Variants in CDH12 observed in about 807,000 individuals in gnomAD.
The protein encoded by CDH12 is cadherin 12.
In CDH12, 41 loss-of-function variants were observed where a neutral mutation model predicts 74.1. That is an observed-to-expected ratio of 0.55 (90% CI 0.43 to 0.72). The LOEUF (loss-of-function observed/expected upper bound fraction) is 0.72, where lower values mean the gene tolerates loss of function less well. Ranked by LOEUF, CDH12 falls within the 30% of genes least tolerant of loss-of-function variation. The pLI is 0.00. For synonymous variants in CDH12, 399 were observed against 355.0 expected, an observed-to-expected ratio of 1.12 and a Z score of -1.39; for missense variants, 945 against 977.2, an observed-to-expected ratio of 0.97 and a Z score of 0.44.
intron 1 of CDH12, among the ~76,000 whole-genome samples, chr5:22,688,566 G>A (rs1046875081): frequency 3.9e-5 from 6 of 152,166 alleles, no homozygotes; most frequent in South Asian, 2.1e-4. Context: ...TCTCTGTAAC[G>A]AATAATACCA....
chr5:22,443,159 G>C (rs568961859), intron 2 of CDH12, among the ~76,000 whole-genome samples: 1 of 152,128 alleles, frequency 6.6e-6, no homozygotes. Context: ...CTCAATCAAA[G>C]TAAGAGTCTA....
chr5:22,600,462 G>A (rs1035375441), intron 1 of CDH12, among the ~76,000 whole-genome samples: 3 of 151,992 alleles, frequency 2.0e-5, no homozygotes, highest in Non-Finnish European at 4.4e-5. Flanking sequence ...TCTTTATGGA[G>A]CTTTACTGTA....
intron 4 of CDH12, among the ~76,000 whole-genome samples, chr5:22,191,906 C>T (rs900939744): frequency 1.3e-5 from 2 of 149,728 alleles, no homozygotes; most frequent in African/African-American, 2.5e-5. Flanking sequence ...TATATGTGTT[C>T]ATGTATGCCA....
rs567563719 is a variant in CDH12 at position 22,515,237 on chromosome 5, T to G, written c.-522-9873A>C. ...ACATATCCTGTCATTGAATCGGATTTAAGTATATACCAATTCAAAGAATTC... is the reference window on the plus strand; with the variant it reads ...ACATATCCTGTCATTGAATCGGATTGAAGTATATACCAATTCAAAGAATTC... On this transcript the variant is annotated intron_variant, in intron 1 of 14. Coordinates refer to ENST00000382254, the MANE Select transcript of CDH12 (RefSeq NM_004061.5). Among the ~76,000 whole-genome samples the G allele has an allele frequency of 5.3e-5, 8 of 152,232 alleles. No homozygotes were observed. The South Asian group carries it at 1.5e-3, about 28-fold the overall frequency.
chr5:21,803,866 AT>A (rs1167585345), intron 9 of CDH12, among the ~76,000 whole-genome samples: 1 of 152,150 alleles, frequency 6.6e-6, no homozygotes, highest in Non-Finnish European at 1.5e-5. Context: ...TATGATTGCC[AT>A]TTTATGCATT....
intron 6 of CDH12, among the ~76,000 whole-genome samples, chr5:21,894,135 T>C (rs1243943960): frequency 1.3e-5 from 2 of 152,106 alleles, no homozygotes; most frequent in African/African-American, 4.8e-5. Flanking sequence ...TCCCAGCACT[T>C]TGGGAAGCCA....
intron 3 of CDH12, among the ~76,000 whole-genome samples, chr5:22,396,956 A>G (rs1742486560): frequency 6.6e-6 from 1 of 152,050 alleles, no homozygotes; most frequent in African/African-American, 2.4e-5. Context: ...TCAATATAGC[A>G]TTAAAATACT....
At position 22,596,324 on chromosome 5, in the gene CDH12, C is replaced by A. The variant is rs574481506; in HGVS notation, c.-522-90960G>T. On this transcript the variant is annotated intron_variant, in intron 1 of 14. Coordinates refer to ENST00000382254, the MANE Select transcript of CDH12 (RefSeq NM_004061.5). ...GGTGTGGTGGCGGACAGCTATAATCCCAGCTACTCTGGAGGCTGAGGCAGG... is the reference window on the plus strand; with the variant it reads ...GGTGTGGTGGCGGACAGCTATAATCACAGCTACTCTGGAGGCTGAGGCAGG... 4.0e-5 allele frequency among the ~76,000 whole-genome samples: 6 copies of A among 151,526 alleles called. No individual in the cohort carries two copies. In the East Asian group the frequency reaches 9.8e-4, roughly 25 times the overall value.
At chr5:22,532,072 G>A (rs1321162579) in intron 1 of CDH12, among the ~76,000 whole-genome samples, 1 of 151,828 alleles carries the variant, frequency 6.6e-6, no homozygotes, top group Non-Finnish European at 1.5e-5. Context: ...GTCACATGGA[G>A]CTGCATAAGA....
intron 3 of CDH12, among the ~76,000 whole-genome samples, chr5:22,222,308 A>C (rs1752044442): frequency 6.6e-6 from 1 of 151,958 alleles, no homozygotes; most frequent in Non-Finnish European, 1.5e-5. Flanking sequence ...TCATTTAGTA[A>C]AGTTCTCTCC....
intron 4 of CDH12, among the ~76,000 whole-genome samples, chr5:22,166,084 C>CT (rs1170354367): frequency 6.6e-6 from 1 of 152,244 alleles, no homozygotes; most frequent in East Asian, 1.9e-4. Flanking sequence ...ACCACGAATT[C>CT]TTTTTTGTGT....
At chr5:22,448,324 G>A (rs1021751301) in intron 2 of CDH12, among the ~76,000 whole-genome samples, 2 of 150,866 alleles carry the variant, frequency 1.3e-5, no homozygotes, top group African/African-American at 4.9e-5. Flanking sequence ...AACATCACTC[G>A]ATGCAAAAAA....
At chr5:22,135,209 C>CAAAAAAAAAAAAAA (rs5866550) in intron 4 of CDH12, among the ~76,000 whole-genome samples, 1 of 119,360 alleles carries the variant, frequency 8.4e-6, no homozygotes, top group African/African-American at 3.0e-5. Context: ...AACACATAAG[C>CAAAAAAAAAAAAAA]AAAAAAAAAA....
chr5:22,111,371 T>C (rs1411695068), intron 4 of CDH12, among the ~76,000 whole-genome samples: 1 of 152,180 alleles, frequency 6.6e-6, no homozygotes, highest in African/African-American at 2.4e-5. Context: ...AAGAAGAGCA[T>C]GGATTATATG....
intron 4 of CDH12, among the ~76,000 whole-genome samples, chr5:22,119,804 T>C (rs979320304): frequency 6.6e-6 from 1 of 152,170 alleles, no homozygotes; most frequent in Non-Finnish European, 1.5e-5. Flanking sequence ...ATATCTAACT[T>C]TCAAATGGCT....
chr5:22,035,411 A>G (rs1739102450), intron 5 of CDH12, among the ~76,000 whole-genome samples: 1 of 152,086 alleles, frequency 6.6e-6, no homozygotes, highest in South Asian at 2.1e-4. Context: ...TATGCATGTC[A>G]TAATGTTAAC....
intron 2 of CDH12, among the ~76,000 whole-genome samples, chr5:22,424,325 G>C (rs1008140117): frequency 6.6e-6 from 1 of 152,086 alleles, no homozygotes; most frequent in Non-Finnish European, 1.5e-5. Flanking sequence ...GCAGAGTACG[G>C]CGTTTCTTTC....
intron 1 of CDH12, among the ~76,000 whole-genome samples, chr5:22,689,485 G>A (rs1230642836): frequency 6.6e-6 from 1 of 152,068 alleles, no homozygotes; most frequent in Non-Finnish European, 1.5e-5. Flanking sequence ...GTTACAAATA[G>A]CAAAATAAAA....
At chr5:22,424,900 T>C (rs1300073111) in intron 2 of CDH12, among the ~76,000 whole-genome samples, 1 of 151,842 alleles carries the variant, frequency 6.6e-6, no homozygotes, top group Non-Finnish European at 1.5e-5. Flanking sequence ...TAATCAGATA[T>C]GACATAAAAA....
Sources: gnomAD v4.1 joint callset for allele counts (sites outside exome capture counted in the v4.1 genomes callset) on GRCh38, gnomAD v4.1.1 for gene constraint, MANE v1.5 for transcripts, NCBI Gene and HGNC (gene_info 2026-07-23, HGNC 2026-07-21) for gene names.